Variants in RUNX1T1 observed in about 807,000 individuals in gnomAD.
RUNX1T1 encodes RUNX1 partner transcriptional co-repressor 1.
A neutral mutation model predicts 62.8 loss-of-function variants in RUNX1T1; 4 were observed. The ratio of observed to expected loss-of-function variants is 0.06; its 90% CI spans 0.03 to 0.15. The LOEUF (loss-of-function observed/expected upper bound fraction) is 0.15. RUNX1T1 is among the 10% of genes least tolerant of loss of function. The probability of loss-of-function intolerance (pLI) is 1.00; values close to 1 mark genes in which losing one functional copy is unlikely to be tolerated. For missense variants in RUNX1T1, 508 were observed against 754.3 expected (o/e 0.67, Z 3.82); for synonymous variants, 291 against 286.0 (o/e 1.02, Z -0.18).
At chr8:91,990,846 C>T (rs4593595) in intron 6 of RUNX1T1, among the ~76,000 whole-genome samples, 3,520 of 151,984 alleles carry the variant, frequency 0.023, 127 homozygotes, top group African/African-American at 0.08. Context: ...TTAGTAGAGA[C>T]GGGATTTTGC....
At chr8:91,981,592 T>C (rs1815289503) in intron 8 of RUNX1T1, among the ~76,000 whole-genome samples, 2 of 151,728 alleles carry the variant, frequency 1.3e-5, no homozygotes, top group African/African-American at 4.8e-5. Flanking sequence ...ATTTTTTTTA[T>C]TTTTAGCATA....
At chr8:92,096,170 A>G (rs1477269743) in intron 1 of RUNX1T1, among the ~76,000 whole-genome samples, 3 of 152,228 alleles carry the variant, frequency 2.0e-5, no homozygotes, top group African/African-American at 7.2e-5. Context: ...TGCAGCCAGC[A>G]TCATTGTGAT....
chr8:92,010,326 C>G (rs1476395635), intron 4 of RUNX1T1: 2 of 152,242 alleles, frequency 1.3e-5, no homozygotes, highest in Non-Finnish European at 2.9e-5. Context: ...TAAAAGGGAT[C>G]TTAGTAATCT....
At chr8:92,065,130 T>C (rs1485289855), upstream of RUNX1T1, among the ~76,000 whole-genome samples, 1 of 152,098 alleles carries the variant, frequency 6.6e-6, no homozygotes, top group East Asian at 1.9e-4. Context: ...AACCTGGATA[T>C]GTAGTTCTAC....
chr8:92,014,961 T>G, intron 2 of RUNX1T1, 141 bp from the exon 4 acceptor site: 1 of 795,916 alleles, frequency 1.3e-6, no homozygotes, highest in Non-Finnish European at 1.9e-6. Flanking sequence ...ATGCTTGGAC[T>G]TCACAGGGTT....
intron 1 of RUNX1T1, among the ~76,000 whole-genome samples, chr8:92,048,381 T>TA (rs35773355): frequency 6.6e-6 from 1 of 152,150 alleles, no homozygotes; most frequent in African/African-American, 2.4e-5. Context: ...TTTTAATTCC[T>TA]AAAAATATTA....
intron 2 of RUNX1T1, among the ~76,000 whole-genome samples, chr8:92,072,948 T>C (rs1486370716): frequency 1.3e-5 from 2 of 152,192 alleles, no homozygotes; most frequent in Admixed American, 1.3e-4. Flanking sequence ...CCACACAATA[T>C]GTAAAAATTG....
chr8:92,044,473 C>T (rs1248405357), intron 1 of RUNX1T1, among the ~76,000 whole-genome samples: 1 of 152,148 alleles, frequency 6.6e-6, no homozygotes, highest in Non-Finnish European at 1.5e-5. Flanking sequence ...TCTGTTGTGT[C>T]TCAATCAGTC....
chr8:92,064,770 C>T (rs1438714315), upstream of RUNX1T1, among the ~76,000 whole-genome samples: 1 of 152,060 alleles, frequency 6.6e-6, no homozygotes, highest in African/African-American at 2.4e-5. Flanking sequence ...GGATGATATC[C>T]GGCTTTAAAA....
rs1297231332 is a variant in RUNX1T1, at chr8:91,960,263, G to A, written c.1713C>T (p.Thr571=). ...ACGTCTAGCGAGGGGTTGTCTCTAT[G>A]GTGGAAGGGGTTCCCGGGGTGGTTG... The change falls in exon 11 of 11, where the codon ACC becomes ACT. Residue 571 remains threonine, a synonymous_variant. Transcript: ENST00000396218. 3.1e-5 allele frequency: 50 copies of A among 1,609,412 alleles called. 1 individual carries two copies. The highest frequency in any genetic ancestry group is 3.3e-5 in the Non-Finnish European group (39 of 1,177,964).
intron 1 of RUNX1T1, among the ~76,000 whole-genome samples, chr8:92,078,087 G>C (rs201410582): frequency 6.6e-6 from 1 of 151,780 alleles, no homozygotes; most frequent in East Asian, 1.9e-4. Context: ...TGTTAACATA[G>C]TGTACAAATA....
exon 8 of RUNX1T1, chr8:91,986,129 G>A (rs555029289): frequency 1.2e-6 from 2 of 1,611,506 alleles, no homozygotes; most frequent in East Asian, 2.2e-5. Flanking sequence ...GTTACCTAGT[G>A]CAACTGGGTC....
chr8:92,003,710 T>C (rs893794488), intron 5 of RUNX1T1, among the ~76,000 whole-genome samples: 3 of 152,208 alleles, frequency 2.0e-5, no homozygotes, highest in Non-Finnish European at 4.4e-5. Flanking sequence ...AATCACCTAT[T>C]GTTGAGCCAC....
chr8:92,034,786 A>G (rs1214548576), intron 1 of RUNX1T1, among the ~76,000 whole-genome samples: 7 of 127,776 alleles, frequency 5.5e-5, no homozygotes, highest in Admixed American at 8.2e-5. Context: ...ACACATATAT[A>G]TATACATATA....
upstream of RUNX1T1, among the ~76,000 whole-genome samples, chr8:92,064,871 T>C (rs190833226): frequency 2.3e-3 from 351 of 152,286 alleles, 2 homozygotes; most frequent in African/African-American, 7.7e-3. Context: ...ATCTTTTCTA[T>C]GTGTAAAAAG....
intron 2 of RUNX1T1, among the ~76,000 whole-genome samples, chr8:92,071,735 CCTGA>C (rs1366651993): frequency 6.6e-6 from 1 of 152,162 alleles, no homozygotes; most frequent in Non-Finnish European, 1.5e-5. Context: ...ACACTCCCAG[CCTGA>C]CTGTTTTGCT....
upstream of RUNX1T1, among the ~76,000 whole-genome samples, chr8:92,064,229 G>T (rs1407203274): frequency 1.3e-5 from 2 of 152,076 alleles, no homozygotes; most frequent in Non-Finnish European, 2.9e-5. Context: ...AACTTCTACA[G>T]CCCCTAAATA....
chr8:92,031,453 T>C (rs1443817708), intron 1 of RUNX1T1, among the ~76,000 whole-genome samples: 2 of 146,692 alleles, frequency 1.4e-5, no homozygotes, highest in East Asian at 3.9e-4. Flanking sequence ...TTTAGCCTAA[T>C]GTATGTATGT....
At chr8:92,051,489 C>A (rs1227359069) in intron 1 of RUNX1T1, among the ~76,000 whole-genome samples, 2 of 151,916 alleles carry the variant, frequency 1.3e-5, no homozygotes, top group East Asian at 3.9e-4. Context: ...AATTTCATCA[C>A]AAAAAAGAGA....
Sources: gnomAD v4.1 joint callset for allele counts (sites outside exome capture counted in the v4.1 genomes callset) on GRCh38, gnomAD v4.1.1 for gene constraint, MANE v1.5 for transcripts, NCBI Gene and HGNC (gene_info 2026-07-23, HGNC 2026-07-21) for gene names.